The following FAM220A variants were observed in gnomAD, a reference collection of about 807,000 sequenced individuals.
FAM220A encodes the protein family with sequence similarity 220 member A, also known as protein FAM220A.
For synonymous variants in FAM220A, 141 were observed against 130.7 expected, an observed-to-expected ratio of 1.08 and a Z score of -0.54; for missense variants, 392 against 321.6, an observed-to-expected ratio of 1.22 and a Z score of -1.68.
chr7:6,331,361 C>A, intron 1 of FAM220A, 126 bp from the exon 2 acceptor site: 1 of 615,520 alleles, frequency 1.6e-6, no homozygotes, highest in Non-Finnish European at 2.8e-6. Context: ...CAGGGTTTCA[C>A]CATATTGGTA....
chr7:6,346,257 C>G (rs568036322), intron 1 of FAM220A, among the ~76,000 whole-genome samples: 8 of 152,272 alleles, frequency 5.3e-5, no homozygotes, highest in Non-Finnish European at 1.0e-4. Flanking sequence ...ATTCAAGCCA[C>G]CTGGTGGAGG....
Position 6,331,188 on chromosome 7 carries a change from C to G in FAM220A, c.-34G>C. The stretch of plus-strand genomic sequence containing the variant: ...TTCTTGGATGCGGTGGGCCTGAGGT[C>G]ACGCCTTCGTCAGTCTGGGAGGGCC... On this transcript the variant is annotated 5_prime_UTR_variant, in exon 2 of 2. Coordinates refer to ENST00000313324, the MANE Select transcript of FAM220A (RefSeq NM_001037163.2). The G allele has an allele frequency of 2.5e-6, 4 of 1,584,890 alleles. No individual in the cohort carries two copies. Among genetic ancestry groups the G allele is most frequent in the Non-Finnish European group, 2.6e-6 (3 of 1,165,778 alleles).
intron 1 of FAM220A, chr7:6,341,796 A>C (rs1378793728): frequency 6.6e-6 from 1 of 151,884 alleles, no homozygotes; most frequent in Non-Finnish European, 1.5e-5. Flanking sequence ...TCAGGGGTTC[A>C]AGACCAGCCT....
chr7:6,341,606 C>T (rs539657016), intron 1 of FAM220A, among the ~76,000 whole-genome samples: 11 of 142,110 alleles, frequency 7.7e-5, no homozygotes, highest in East Asian at 2.1e-4. Context: ...AGGGGAATGG[C>T]GTGAACCCAG....
chr7:6,339,596 G>T (rs1781809539), intron 1 of FAM220A, among the ~76,000 whole-genome samples: 1 of 151,736 alleles, frequency 6.6e-6, no homozygotes, highest in Admixed American at 6.6e-5. Context: ...CCATTCCGCT[G>T]CCTCAGCCTC....
chr7:6,339,842 G>C (rs570565482), intron 1 of FAM220A, among the ~76,000 whole-genome samples: 2 of 151,864 alleles, frequency 1.3e-5, no homozygotes, highest in South Asian at 4.2e-4. Context: ...CGATCACAAG[G>C]AGAGGAGAGT....
chr7:6,333,786 T>TA (rs1781686931), intron 1 of FAM220A, among the ~76,000 whole-genome samples: 1 of 150,458 alleles, frequency 6.6e-6, no homozygotes, highest in Admixed American at 6.7e-5. Flanking sequence ...TTTTTTTTTT[T>TA]AATAGAGACA....
intron 1 of FAM220A, among the ~76,000 whole-genome samples, chr7:6,333,538 T>C (rs1781680836): frequency 2.0e-5 from 3 of 152,104 alleles, no homozygotes; most frequent in Admixed American, 1.3e-4. Flanking sequence ...TCACTCTGCC[T>C]CCCAGGCTGG....
chr7:6,348,948 C>CAAG lies in FAM220A; in HGVS notation c.-458_-457insCTT. The stretch of plus-strand genomic sequence containing the variant: ...GTGCCTCCGCGAGCAGCCGCCTGTA[C>CAAG]CAGCCTGGCCGCGCAGCCTGACGTC... On this transcript the variant is annotated 5_prime_UTR_variant, in exon 1 of 2. Coordinates refer to ENST00000313324, the MANE Select transcript of FAM220A (RefSeq NM_001037163.2). 1 of 379,874 alleles carries CAAG rather than the reference C, an allele frequency of 2.6e-6. No homozygotes were observed. The highest frequency in any genetic ancestry group is 4.7e-6 in the Non-Finnish European group (1 of 214,614). The allele number at this position is 379,874 out of a possible 1,614,324, so 23.5% of individuals were successfully genotyped here.
rs551840005 is a variant in FAM220A at position 6,333,925 on chromosome 7, A to C, written c.-81-2690T>G. 3.0e-3 allele frequency among the ~76,000 whole-genome samples: 446 copies of C among 148,442 alleles called. 2 individuals are homozygous for C. The highest frequency in any genetic ancestry group is 9.1e-3 in the African/African-American group (367 of 40,222). ...GCAGTGGCGCCATCTCAGCTCACTA[A>C]AAGCTCCACCTCCCGGGTTCACGCC... On this transcript the variant is annotated intron_variant, in intron 1 of 1. Transcript: ENST00000313324.
chr7:6,335,129 CT>C (rs1781718633), intron 1 of FAM220A, among the ~76,000 whole-genome samples: 1 of 152,004 alleles, frequency 6.6e-6, no homozygotes, highest in African/African-American at 2.4e-5. Context: ...GTGGTGCAAT[CT>C]TAGCTCACTG....
chr7:6,348,232 A>AAG (rs1554260852), intron 1 of FAM220A, among the ~76,000 whole-genome samples: 31 of 145,280 alleles, frequency 2.1e-4, no homozygotes, highest in Admixed American at 2.1e-4. Context: ...ATTAAAAATA[A>AAG]GGGGGGGGGT....
At chr7:6,333,989 G>GGT (rs1363863464) in intron 1 of FAM220A, among the ~76,000 whole-genome samples, 1 of 151,340 alleles carries the variant, frequency 6.6e-6, no homozygotes, top group Non-Finnish European at 1.5e-5. Flanking sequence ...TGGGACTACA[G>GGT]GCACCCGCCA....
chr7:6,336,272 T>C (rs899351137), intron 1 of FAM220A, among the ~76,000 whole-genome samples: 6 of 151,814 alleles, frequency 4.0e-5, no homozygotes, highest in African/African-American at 1.5e-4. Context: ...TGCTTGAGCC[T>C]AGAAGCTCAA....
At chr7:6,347,727 C>T (rs1304303817) in intron 1 of FAM220A, among the ~76,000 whole-genome samples, 1 of 151,916 alleles carries the variant, frequency 6.6e-6, no homozygotes, top group Non-Finnish European at 1.5e-5. Context: ...ACGCTGTTAA[C>T]TTCCAATCCA....
At position 6,348,753 on chromosome 7, in the gene FAM220A, C is replaced by A; in HGVS notation, c.-262G>T. 1.2e-5 allele frequency: 5 copies of A among 400,882 alleles called. No individual in the cohort carries two copies. The South Asian group carries it at 5.6e-4, about 45-fold the overall frequency. The allele number at this position is 400,882 out of a possible 1,614,324, so 24.8% of individuals were successfully genotyped here. On this transcript the variant is annotated 5_prime_UTR_variant, in exon 1 of 2. Transcript: ENST00000313324. ...GGACAGCCAGGCCCGACAGAGCCGC[C>A]GCCATATAGAGACCGGCGCTCCCAC...
intron 1 of FAM220A, among the ~76,000 whole-genome samples, chr7:6,342,162 C>T (rs1322254591): frequency 1.3e-5 from 2 of 152,140 alleles, no homozygotes; most frequent in African/African-American, 2.4e-5. Flanking sequence ...ACAGTCTCTT[C>T]TTAAAGCTTC....
rs1389101578 is a variant in FAM220A at position 6,342,185 on chromosome 7, TTC to T, written c.-82+6386_-82+6387del. The stretch of plus-strand genomic sequence containing the variant: ...TTCTTAAAGCTTCATTTTCTTTCCT[TTC>T]TTTTTTCTTTCTTTTTCTTTGTTTC... On this transcript the variant is annotated intron_variant, in intron 1 of 1. Transcript: ENST00000313324. 9.2e-5 allele frequency among the ~76,000 whole-genome samples: 14 copies of T among 152,202 alleles called. No homozygotes were observed. The East Asian group carries it at 2.7e-3, about 29-fold the overall frequency.
chr7:6,335,348 G>C (rs1213567377), intron 1 of FAM220A, among the ~76,000 whole-genome samples: 2 of 151,660 alleles, frequency 1.3e-5, no homozygotes, highest in South Asian at 2.1e-4. Flanking sequence ...TCAACCTCCT[G>C]AGTAGCTGTG....
Sources: gnomAD v4.1 joint callset for allele counts (sites outside exome capture counted in the v4.1 genomes callset) on GRCh38, gnomAD v4.1.1 for gene constraint, MANE v1.5 for transcripts, NCBI Gene and HGNC (gene_info 2026-07-23, HGNC 2026-07-21) for gene names.